Variants in DAB1 observed in about 807,000 individuals in gnomAD.
DAB1 encodes the protein DAB adaptor protein 1.
A neutral mutation model predicts 64.6 loss-of-function variants in DAB1; 15 were observed. The observed-to-expected ratio is 0.23, with a 90% CI of 0.16 to 0.36. The LOEUF (loss-of-function observed/expected upper bound fraction) is 0.36. Ranked by LOEUF, DAB1 falls within the 10% of genes least tolerant of loss-of-function variation. The pLI is 1.00. For missense variants in DAB1, 596 were observed against 706.7 expected (o/e 0.84, Z 1.78); for synonymous variants, 235 against 251.9 (o/e 0.93, Z 0.64).
intron 1 of DAB1, among the ~76,000 whole-genome samples, chr1:57,307,606 GAA>G (rs1342187724): frequency 2.0e-5 from 3 of 151,736 alleles, no homozygotes; most frequent in Non-Finnish European, 2.9e-5. Flanking sequence ...CCTGTCTGTT[GAA>G]TCTGGACCAC....
intron 7 of DAB1, among the ~76,000 whole-genome samples, chr1:57,478,144 A>G (rs966892500): frequency 6.6e-6 from 1 of 151,336 alleles, no homozygotes; most frequent in South Asian, 2.1e-4. Context: ...AGGTTGTACA[A>G]AGATTTATCT....
chr1:57,916,066 T>C (rs1377865348), intron 5 of DAB1, among the ~76,000 whole-genome samples: 1 of 152,206 alleles, frequency 6.6e-6, no homozygotes, highest in Non-Finnish European at 1.5e-5. Flanking sequence ...GTCTTCTTCC[T>C]CTTTACCAAG....
At chr1:58,225,154 T>C (rs1266141896) in intron 4 of DAB1, among the ~76,000 whole-genome samples, 2 of 151,828 alleles carry the variant, frequency 1.3e-5, no homozygotes, top group African/African-American at 2.4e-5. Flanking sequence ...GGGCGAAGGA[T>C]ATGAACAGAC....
chr1:58,030,339 G>A (rs1258226743), intron 5 of DAB1, among the ~76,000 whole-genome samples: 1 of 152,192 alleles, frequency 6.6e-6, no homozygotes. Context: ...GAAATTTTGA[G>A]TAATTTGTAT....
In DAB1 at chr1:57,282,194, A is replaced by C. The variant is rs1449038944; in HGVS notation, c.67+8770T>G. Among the ~76,000 whole-genome samples, 12 of 99,476 alleles carry C rather than the reference A, an allele frequency of 1.2e-4. No individual in the cohort carries two copies. In the East Asian group the frequency reaches 1.4e-3, roughly 12 times the overall value. 65.3% of individuals were successfully genotyped at this position (99,476 alleles called of 152,430 possible). On this transcript the variant is annotated intron_variant, in intron 2 of 14. Transcript: ENST00000371236. ...CAAGCCTTCTTCTCAAAAAAAAAAA[A>C]AAAAAAAAAAAAAAAAAACAGGTGA...
intron 7 of DAB1, among the ~76,000 whole-genome samples, chr1:57,528,716 A>G (rs577455803): frequency 1.3e-5 from 2 of 151,988 alleles, no homozygotes; most frequent in African/African-American, 2.4e-5. Flanking sequence ...TAAGATAAAC[A>G]GAAGACTTCT....
At chr1:57,891,490 C>T (rs1385747620) in intron 5 of DAB1, among the ~76,000 whole-genome samples, 1 of 152,168 alleles carries the variant, frequency 6.6e-6, no homozygotes, top group Non-Finnish European at 1.5e-5. Flanking sequence ...CCATTTGACC[C>T]AGCAATCCCA....
intron 6 of DAB1, among the ~76,000 whole-genome samples, chr1:57,783,103 T>TTTG (rs1417888110): frequency 4.3e-5 from 3 of 69,722 alleles, no homozygotes. Flanking sequence ...CTCTCTCTCT[T>TTTG]TTCTTTTTTT....
intron 7 of DAB1, among the ~76,000 whole-genome samples, chr1:57,455,099 A>G (rs542538863): frequency 1.3e-5 from 2 of 152,144 alleles, no homozygotes; most frequent in East Asian, 3.9e-4. Flanking sequence ...GGAAGTGCCA[A>G]TGGGATTTCA....
At chr1:58,173,132 T>C (rs569494802) in intron 4 of DAB1, among the ~76,000 whole-genome samples, 1 of 152,348 alleles carries the variant, frequency 6.6e-6, no homozygotes, top group African/African-American at 2.4e-5. Flanking sequence ...GGATGCTTGG[T>C]ATGGAACAAC....
At chr1:57,591,120 C>T (rs1036036765) in intron 7 of DAB1, among the ~76,000 whole-genome samples, 2 of 152,138 alleles carry the variant, frequency 1.3e-5, no homozygotes, top group Non-Finnish European at 2.9e-5. Flanking sequence ...TTGAATGCAG[C>T]GACTCTCAGG....
chr1:57,392,534 C>T (rs757510788), intron 1 of DAB1, among the ~76,000 whole-genome samples: 28 of 152,070 alleles, frequency 1.8e-4, no homozygotes, highest in South Asian at 4.1e-4. Flanking sequence ...TCAGTCTTCA[C>T]GAGGAAAAAC....
At chr1:57,922,061 C>G (rs1471376201) in intron 5 of DAB1, among the ~76,000 whole-genome samples, 1 of 152,228 alleles carries the variant, frequency 6.6e-6, no homozygotes, top group African/African-American at 2.4e-5. Flanking sequence ...TTTTCCTCCT[C>G]ACCTTTACAA....
At chr1:57,066,819 A>G (rs1434104669) in intron 8 of DAB1, among the ~76,000 whole-genome samples, 1 of 152,208 alleles carries the variant, frequency 6.6e-6, no homozygotes, top group Non-Finnish European at 1.5e-5. Context: ...CCCATTTCAT[A>G]GCCCAGGAAA....
At chr1:57,182,129 C>T (rs1448793352) in intron 2 of DAB1, among the ~76,000 whole-genome samples, 1 of 152,158 alleles carries the variant, frequency 6.6e-6, no homozygotes, top group Middle Eastern at 3.2e-3. Context: ...TTGTGATCTG[C>T]CCGCCTTGGC....
intron 6 of DAB1, among the ~76,000 whole-genome samples, chr1:57,667,733 G>A (rs552164697): frequency 6.9e-4 from 105 of 152,194 alleles, no homozygotes; most frequent in African/African-American, 2.4e-3. Flanking sequence ...GCAAGGACAT[G>A]GATGAAGCTG....
chr1:57,342,419 A>C lies in DAB1; in HGVS notation c.-136-51253T>G, dbSNP rs148706874. 4.0e-3 allele frequency among the ~76,000 whole-genome samples: 604 copies of C among 152,284 alleles called. 5 individuals are homozygous for C. Among genetic ancestry groups the C allele is most frequent in the African/African-American group, 0.014 (577 of 41,552 alleles). On this transcript the variant is annotated intron_variant, in intron 1 of 14. Transcript: ENST00000371236. ...CATATTTTGTTATTTCTTTATCCCTAGTGCATTTGCCAAAAGCATAGCACT... is the reference window on the plus strand; with the variant it reads ...CATATTTTGTTATTTCTTTATCCCTCGTGCATTTGCCAAAAGCATAGCACT...
At chr1:58,286,080 T>C (rs977308041) in intron 4 of DAB1, among the ~76,000 whole-genome samples, 1 of 140,844 alleles carries the variant, frequency 7.1e-6, no homozygotes, top group African/African-American at 2.7e-5. Context: ...ATTCCCTATA[T>C]AATAAATGGT....
At chr1:57,172,051 T>C (rs6693209) in intron 2 of DAB1, among the ~76,000 whole-genome samples, 89,601 of 151,832 alleles carry the variant, frequency 0.59, 27,050 homozygotes, top group African/African-American at 0.71. Context: ...TAGCTGGCAA[T>C]CTTGGCATCT....
Sources: allele counts gnomAD v4.1 joint callset (sites outside exome capture counted in the v4.1 genomes callset), GRCh38; gene constraint gnomAD v4.1.1; transcripts MANE v1.5; gene names NCBI Gene and HGNC (gene_info 2026-07-23, HGNC 2026-07-21).